AGPAT3: variants seen among roughly 807,000 people sequenced by gnomAD.
AGPAT3 encodes the protein 1-acylglycerol-3-phosphate O-acyltransferase 3.
A neutral mutation model predicts 47.3 loss-of-function variants in AGPAT3; 5 were observed. That is an observed-to-expected ratio of 0.11 (90% CI 0.06 to 0.22). The LOEUF is 0.22. AGPAT3 is among the 10% of genes least tolerant of loss of function. The probability of loss-of-function intolerance (pLI) is 1.00; values close to 1 mark genes in which losing one functional copy is unlikely to be tolerated. For missense variants in AGPAT3, 315 were observed against 493.0 expected, an observed-to-expected ratio of 0.64 and a Z score of 3.42; for synonymous variants, 212 against 208.3, an observed-to-expected ratio of 1.02 and a Z score of -0.15.
At position 43,955,841 on chromosome 21, in the gene AGPAT3, A is replaced by T. The variant is rs2088427566; in HGVS notation, c.-48-3793A>T. ...GAATTGCTTGAACCCAGGAAGCTGCAGTGAGCCAAGATGGCACCACAGCAC... is the reference window on the plus strand; with the variant it reads ...GAATTGCTTGAACCCAGGAAGCTGCTGTGAGCCAAGATGGCACCACAGCAC... On this transcript the variant is annotated intron_variant, in intron 2 of 9. Transcript: ENST00000291572. The surrounding 1 kb of genome is among the most constrained non-coding windows in gnomAD (Gnocchi z 4.1). Among the ~76,000 whole-genome samples the T allele has an allele frequency of 6.6e-6, 1 of 151,338 alleles. No individual in the cohort carries two copies. Among genetic ancestry groups the T allele is most frequent in the South Asian group, 2.1e-4 (1 of 4,800 alleles).
At chr21:43,956,264 C>T (rs936282089) in intron 2 of AGPAT3, among the ~76,000 whole-genome samples, 1 of 152,188 alleles carries the variant, frequency 6.6e-6, no homozygotes, top group African/African-American at 2.4e-5. Context: ...CTCTAAGGGG[C>T]CCCTGCCCAC....
chr21:43,980,912 C>T (rs1314407368), intron 8 of AGPAT3, 77 bp from the exon 9 acceptor site: 1 of 1,395,452 alleles, frequency 7.2e-7, no homozygotes, highest in Non-Finnish European at 1.0e-6. Flanking sequence ...TTTTCATTGC[C>T]AACAATCTTC....
In AGPAT3 at chr21:43,880,571, G is replaced by A. The variant is rs1601202866; in HGVS notation, c.-112+15226G>A. On this transcript the variant is annotated intron_variant, in intron 1 of 9. Transcript: ENST00000291572. The surrounding 1 kb of genome is among the most constrained non-coding windows in gnomAD (Gnocchi z 4.5). ...AGAGACAGTAGCTACCCTTTTCCCA[G>A]TGGTATTGCCACTGAGTGTGGGATG... Among the ~76,000 whole-genome samples the A allele has an allele frequency of 1.3e-5, 2 of 152,234 alleles. No homozygotes were observed. The highest frequency in any genetic ancestry group is 3.8e-4 in the East Asian group (2 of 5,200).
chr21:43,951,691 G>T (rs114717414), intron 2 of AGPAT3, among the ~76,000 whole-genome samples: 2 of 152,294 alleles, frequency 1.3e-5, no homozygotes, highest in Non-Finnish European at 2.9e-5. Flanking sequence ...GGATTTCAGC[G>T]CTGGTGACAG....
Position 43,908,955 on chromosome 21 carries a change from C to T in AGPAT3, c.-49+4936C>T, listed in dbSNP as rs537387850. 4.6e-5 allele frequency among the ~76,000 whole-genome samples: 7 copies of T among 152,336 alleles called. No homozygotes were observed. Among genetic ancestry groups the T allele is most frequent in the South Asian group, 4.1e-4 (2 of 4,832 alleles). ...TGCGTCTTTTGCTCCTGGGTCCTTA[C>T]GTGCCCTGTCACAGCCAGCCCTGCC... On this transcript the variant is annotated intron_variant, in intron 2 of 9. Transcript: ENST00000291572. This position sits in a 1 kb window ranked among gnomAD's most constrained non-coding sequence, Gnocchi z 4.9.
At chr21:43,899,170 C>T in intron 1 of AGPAT3, among the ~76,000 whole-genome samples, 1 of 152,094 alleles carries the variant, frequency 6.6e-6, no homozygotes, top group East Asian at 1.9e-4. Context: ...GAACCCGCCC[C>T]TTGTGTTTGT....
Position 43,969,280 on chromosome 21 carries a change from G to A in AGPAT3, c.510+1G>A, listed in dbSNP as rs2089291966. The A allele has an allele frequency of 6.2e-7, 1 of 1,614,064 alleles. No homozygotes were observed. The highest frequency in any genetic ancestry group is 1.1e-5 in the South Asian group (1 of 91,088). ...GTCGGACTACCCCGAGTACATGTGG[G>A]TGAGTGCGCGGAGCAGCCCGATACC... On this transcript the variant is annotated splice_donor_variant, in intron 5 of 9. Transcript: ENST00000291572. LOFTEE classifies it high-confidence loss of function.
intron 7 of AGPAT3, among the ~76,000 whole-genome samples, chr21:43,974,604 G>A (rs757616915): frequency 4.0e-5 from 6 of 151,034 alleles, no homozygotes; most frequent in Non-Finnish European, 7.4e-5. Context: ...TGTGTGTGTG[G>A]TGTGTGTGTA....
chr21:43,871,418 A>G (rs1194256607), intron 1 of AGPAT3, among the ~76,000 whole-genome samples: 1 of 152,256 alleles, frequency 6.6e-6, no homozygotes, highest in South Asian at 2.1e-4. Context: ...CGTAAGATCT[A>G]TGCAAAGATA....
intron 2 of AGPAT3, among the ~76,000 whole-genome samples, chr21:43,905,147 TAA>T (rs1487194313): frequency 6.8e-6 from 1 of 147,054 alleles, no homozygotes; most frequent in Non-Finnish European, 1.5e-5. Context: ...TCTCTTTTTT[TAA>T]AAAAAATATT....
chr21:43,952,752 G>A lies in AGPAT3; in HGVS notation c.-48-6882G>A, dbSNP rs1601404852. Among the ~76,000 whole-genome samples the A allele has an allele frequency of 6.6e-6, 1 of 152,096 alleles. No homozygotes were observed. The highest frequency in any genetic ancestry group is 2.4e-5 in the African/African-American group (1 of 41,412). ...AGCAACTCAGTGTCCTCAGTGTCTC[G>A]GTGGCATCTGAGCAGCCATGAAAAG... On this transcript the variant is annotated intron_variant, in intron 2 of 9. Coordinates refer to ENST00000291572, the MANE Select transcript of AGPAT3 (RefSeq NM_020132.5). This position sits in a 1 kb window ranked among gnomAD's most constrained non-coding sequence, Gnocchi z 5.6.
intron 3 of AGPAT3, chr21:43,966,779 A>G (rs1322238265): frequency 2.6e-5 from 4 of 152,044 alleles, no homozygotes; most frequent in Non-Finnish European, 5.9e-5. Flanking sequence ...GAAAGCCCAC[A>G]CTTCAGAGCT....
chr21:43,962,003 CT>C lies in AGPAT3; in HGVS notation c.178+2159del, dbSNP rs752287053. 8.4e-3 allele frequency among the ~76,000 whole-genome samples: 1,186 copies of C among 141,134 alleles called. 12 individuals carry two copies. Among genetic ancestry groups the C allele is most frequent in the African/African-American group, 0.021 (816 of 38,038 alleles). 92.6% of individuals were successfully genotyped at this position (141,134 alleles called of 152,430 possible). A position where few individuals can be genotyped will look rare whatever the true frequency, so the allele number is the denominator to read the frequency against. On this transcript the variant is annotated intron_variant, in intron 3 of 9. Coordinates refer to ENST00000291572, the MANE Select transcript of AGPAT3 (RefSeq NM_020132.5). ...CTTCAGTTCCTGGTTTGTTTTTTCT[CT>C]TTTTTTTTTTTTTTGAGACTGAGTC...
intron 1 of AGPAT3, among the ~76,000 whole-genome samples, chr21:43,902,439 T>A (rs2086379250): frequency 6.6e-6 from 1 of 152,248 alleles, no homozygotes. Flanking sequence ...TAAAAAAAGT[T>A]AACACTGACT....
intron 2 of AGPAT3, among the ~76,000 whole-genome samples, chr21:43,938,085 TTCTC>T (rs10587738): frequency 3.0e-4 from 44 of 148,110 alleles, no homozygotes; most frequent in Middle Eastern, 3.4e-3. Context: ...CTCCCCCACT[TTCTC>T]TCTCTCTCTC....
intron 2 of AGPAT3, among the ~76,000 whole-genome samples, chr21:43,916,828 G>A (rs1463426943): frequency 1.3e-5 from 2 of 152,178 alleles, no homozygotes; most frequent in Non-Finnish European, 2.9e-5. Flanking sequence ...CTTCCCATGC[G>A]TGGTTTCTGC....
At chr21:43,874,286 C>G (rs1024876457) in intron 1 of AGPAT3, among the ~76,000 whole-genome samples, 1 of 152,066 alleles carries the variant, frequency 6.6e-6, no homozygotes, top group Middle Eastern at 3.2e-3. Flanking sequence ...TCGGCTTCCC[C>G]GAGTGCTGGG....
Position 43,907,769 on chromosome 21 carries a change from G to A in AGPAT3, c.-49+3750G>A, listed in dbSNP as rs572352750. ...CCATATAAGCTTCCTAAGAGCTTGC[G>A]TTTTCGGTTTCATCTGATTCCCTCT... is the stretch of plus-strand genomic sequence containing the variant. On this transcript the variant is annotated intron_variant, in intron 2 of 9. Coordinates refer to ENST00000291572, the MANE Select transcript of AGPAT3 (RefSeq NM_020132.5). Among the ~76,000 whole-genome samples, 14 of 152,284 alleles carry A rather than the reference G, an allele frequency of 9.2e-5. No individual in the cohort carries two copies. In the East Asian group the frequency reaches 1.2e-3, roughly 13 times the overall value.
rs577351290 is a variant in AGPAT3 at position 43,877,686 on chromosome 21, C to T, written c.-112+12341C>T. Among the ~76,000 whole-genome samples the T allele has an allele frequency of 1.8e-3, 280 of 152,250 alleles. 1 individual carries two copies. Among genetic ancestry groups the T allele is most frequent in the Non-Finnish European group, 2.0e-3 (134 of 68,028 alleles). ...CTTGAACTCCCGACCTCGGGTGATC[C>T]GCCCGCCTTGGCTTTCCAAAGTGCT... is the stretch of plus-strand genomic sequence containing the variant. On this transcript the variant is annotated intron_variant, in intron 1 of 9. Coordinates refer to ENST00000291572, the MANE Select transcript of AGPAT3 (RefSeq NM_020132.5).
Sources: allele counts gnomAD v4.1 joint callset (sites outside exome capture counted in the v4.1 genomes callset), GRCh38; gene constraint gnomAD v4.1.1; non-coding constraint Gnocchi (gnomAD v3.1); transcripts MANE v1.5; gene names NCBI Gene and HGNC (gene_info 2026-07-23, HGNC 2026-07-21).